The following DLG2 variants were observed in gnomAD, a reference collection of about 807,000 sequenced individuals.
DLG2 encodes disks large homolog 2.
Under a neutral mutation model 132.5 loss-of-function variants are expected in DLG2, and 45 were observed. The observed-to-expected ratio is 0.34, with a 90% CI of 0.27 to 0.44. The LOEUF (loss-of-function observed/expected upper bound fraction) is 0.44, where lower values mean the gene tolerates loss of function less well. Ranked by LOEUF, DLG2 falls within the 20% of genes least tolerant of loss-of-function variation. The pLI, the probability that DLG2 is intolerant of heterozygous loss-of-function variation, is 1.00. For synonymous variants in DLG2, 424 were observed against 419.6 expected (o/e 1.01, Z -0.13); for missense variants, 1,045 against 1,196.9 (o/e 0.87, Z 1.87).
intron 6 of DLG2, among the ~76,000 whole-genome samples, chr11:84,900,125 T>G (rs1194170301): frequency 1.3e-5 from 2 of 152,068 alleles, no homozygotes; most frequent in Non-Finnish European, 1.5e-5. Context: ...GTAGGACAAA[T>G]AGATTTGATT....
intron 3 of DLG2, among the ~76,000 whole-genome samples, chr11:85,350,689 T>C (rs2083219811): frequency 6.6e-6 from 1 of 152,258 alleles, no homozygotes; most frequent in African/African-American, 2.4e-5. Flanking sequence ...TTCTTGTTTT[T>C]GTCAGGCTTG....
intron 2 of DLG2, among the ~76,000 whole-genome samples, chr11:85,616,682 C>G (rs996971927): frequency 6.6e-6 from 1 of 151,982 alleles, no homozygotes; most frequent in African/African-American, 2.4e-5. Context: ...TTCTCCTAGC[C>G]CCTTCACAGC....
chr11:84,434,184 G>T (rs374324372), intron 7 of DLG2, among the ~76,000 whole-genome samples: 3 of 151,410 alleles, frequency 2.0e-5, no homozygotes, highest in African/African-American at 7.3e-5. Context: ...AATGATAGAG[G>T]ACAAAGAATG....
At chr11:83,791,857 TCCTC>T (rs2041658172) in intron 17 of DLG2, among the ~76,000 whole-genome samples, 1 of 152,090 alleles carries the variant, frequency 6.6e-6, no homozygotes. Flanking sequence ...CCCGCCTCCT[TCCTC>T]CTCCTCCAGC....
chr11:83,769,514 A>C (rs1413021098), intron 18 of DLG2, among the ~76,000 whole-genome samples: 1 of 145,252 alleles, frequency 6.9e-6, no homozygotes, highest in South Asian at 2.3e-4. Flanking sequence ...CTGGGGATGG[A>C]GTGTATGGTT....
intron 15 of DLG2, among the ~76,000 whole-genome samples, chr11:83,874,985 A>C (rs961169747): frequency 3.3e-5 from 5 of 152,158 alleles, no homozygotes; most frequent in Non-Finnish European, 7.4e-5. Context: ...ACATTTCTTT[A>C]TGATGCAATG....
intron 6 of DLG2, among the ~76,000 whole-genome samples, chr11:84,908,061 A>G (rs999191474): frequency 1.3e-5 from 2 of 152,104 alleles, no homozygotes; most frequent in African/African-American, 4.8e-5. Context: ...CAGAATATCA[A>G]TGTCAAGGGC....
chr11:85,592,424 A>T (rs1320507186), intron 3 of DLG2, among the ~76,000 whole-genome samples: 6 of 152,194 alleles, frequency 3.9e-5, no homozygotes, highest in South Asian at 4.1e-4. Flanking sequence ...GTTTGTTTCA[A>T]CTGAAGCACA....
At chr11:84,467,977 ATT>A (rs942317813) in intron 7 of DLG2, among the ~76,000 whole-genome samples, 4 of 151,514 alleles carry the variant, frequency 2.6e-5, no homozygotes, top group African/African-American at 9.7e-5. Context: ...TTATTGTATT[ATT>A]CTTTCAACAT....
At chr11:84,207,077 C>CTATATATA (rs1401388219) in intron 8 of DLG2, among the ~76,000 whole-genome samples, 20 of 106,272 alleles carry the variant, frequency 1.9e-4, no homozygotes, top group African/African-American at 5.5e-4. Flanking sequence ...CTCTCTCTCT[C>CTATATATA]TCTCTATATA....
At chr11:85,301,019 G>A (rs1248967276) in intron 3 of DLG2, among the ~76,000 whole-genome samples, 1 of 152,100 alleles carries the variant, frequency 6.6e-6, no homozygotes, top group African/African-American at 2.4e-5. Context: ...TGGCCAACAA[G>A]ACGAAACCTC....
In DLG2 at chr11:84,128,715, A is replaced by G. The variant is rs531192778; in HGVS notation, c.625-29668T>C. 2.6e-5 allele frequency among the ~76,000 whole-genome samples: 4 copies of G among 152,216 alleles called. No homozygotes were observed. In the South Asian group the frequency reaches 6.2e-4, roughly 24 times the overall value. ...TTTTAGTCTTCAGCTAATTGGATCA[A>G]TCAGGCATTTAGGGGGCAATATACA... is the stretch of plus-strand genomic sequence containing the variant. On this transcript the variant is annotated intron_variant, in intron 9 of 27. Coordinates refer to ENST00000376104, the MANE Select transcript of DLG2 (RefSeq NM_001142699.3).
rs186440452 is a variant in DLG2 at position 83,706,321 on chromosome 11, C to T, written c.1826-72996G>A. Among the ~76,000 whole-genome samples the T allele has an allele frequency of 8.6e-5, 13 of 152,012 alleles. No individual in the cohort carries two copies. The East Asian group carries it at 1.5e-3, about 18-fold the overall frequency. On this transcript the variant is annotated intron_variant, in intron 18 of 27. Coordinates refer to ENST00000376104, the MANE Select transcript of DLG2 (RefSeq NM_001142699.3). ...CTATATCAGGTGTTGTGCTAGGTGCCGGGGACATGTGTCTAGTGCCTAGAC... is the reference window on the plus strand; with the variant it reads ...CTATATCAGGTGTTGTGCTAGGTGCTGGGGACATGTGTCTAGTGCCTAGAC...
chr11:84,108,141 T>C (rs1194284572), intron 9 of DLG2, among the ~76,000 whole-genome samples: 1 of 151,974 alleles, frequency 6.6e-6, no homozygotes, highest in Non-Finnish European at 1.5e-5. Flanking sequence ...GGTGAAAAGA[T>C]GGAGATACGA....
intron 6 of DLG2, among the ~76,000 whole-genome samples, chr11:84,581,905 C>CA (rs1264244381): frequency 2.8e-5 from 1 of 35,744 alleles, no homozygotes; most frequent in Non-Finnish European, 5.6e-5. Flanking sequence ...GACTTGGTCT[C>CA]AAAAACCAAA....
At chr11:84,349,938 G>A (rs190147917) in intron 7 of DLG2, among the ~76,000 whole-genome samples, 23 of 152,192 alleles carry the variant, frequency 1.5e-4, no homozygotes, top group African/African-American at 4.6e-4. Flanking sequence ...AGCACTTTGG[G>A]AGGCCGAGAT....
intron 4 of DLG2, among the ~76,000 whole-genome samples, chr11:85,156,696 T>G (rs1179900015): frequency 1.3e-5 from 2 of 152,136 alleles, no homozygotes; most frequent in East Asian, 3.9e-4. Flanking sequence ...CTGTCACCAT[T>G]GCTAATTGGA....
intron 21 of DLG2, among the ~76,000 whole-genome samples, chr11:83,504,843 G>A (rs934857948): frequency 6.6e-6 from 1 of 152,104 alleles, no homozygotes; most frequent in Non-Finnish European, 1.5e-5. Context: ...GGAGAACTTT[G>A]CCCCAGCCCT....
chr11:85,178,391 T>C (rs938992533), intron 4 of DLG2, among the ~76,000 whole-genome samples: 2 of 152,038 alleles, frequency 1.3e-5, no homozygotes, highest in African/African-American at 4.8e-5. Flanking sequence ...TATTTTTTAC[T>C]ATTTTTGTAA....
Sources: allele counts gnomAD v4.1 joint callset (sites outside exome capture counted in the v4.1 genomes callset), GRCh38; gene constraint gnomAD v4.1.1; transcripts MANE v1.5; gene names NCBI Gene and HGNC (gene_info 2026-07-23, HGNC 2026-07-21).